Variants in MBP observed in about 807,000 individuals in gnomAD.
MBP encodes myelin basic protein, also known as Golli-MBP.
Under a neutral mutation model 35.8 loss-of-function variants are expected in MBP, and 16 were observed. The observed-to-expected ratio is 0.45, with a 90% CI of 0.30 to 0.68. MBP has a LOEUF of 0.68. Among genes scored for constraint, MBP ranks in the 30% least tolerant of loss-of-function variants. The pLI is 0.08. For synonymous variants in MBP, 143 were observed against 159.6 expected (o/e 0.90, Z 0.78); for missense variants, 380 against 404.7 (o/e 0.94, Z 0.52).
intron 2 of MBP, among the ~76,000 whole-genome samples, chr18:77,098,214 T>C: frequency 7.9e-6 from 1 of 126,212 alleles, no homozygotes; most frequent in Non-Finnish European, 1.6e-5. Context: ...AAGAAGAAAA[T>C]TAGTAACACC....
At chr18:77,075,711 C>A (rs1974623604) in intron 2 of MBP, among the ~76,000 whole-genome samples, 1 of 152,168 alleles carries the variant, frequency 6.6e-6, no homozygotes, top group South Asian at 2.1e-4. Flanking sequence ...GTTTAACGTC[C>A]TCAGAACAGG....
chr18:77,084,199 T>C (rs951466873), intron 2 of MBP, among the ~76,000 whole-genome samples: 7 of 152,072 alleles, frequency 4.6e-5, no homozygotes, highest in Non-Finnish European at 8.8e-5. Context: ...GTGAGATCAT[T>C]TTGTAGTGTA....
At chr18:77,045,481 C>T (rs904803559) in intron 3 of MBP, among the ~76,000 whole-genome samples, 28 of 152,032 alleles carry the variant, frequency 1.8e-4, no homozygotes, top group Non-Finnish European at 2.9e-4. Context: ...CCTGCCTGCA[C>T]CAGGTCAGGG....
In MBP at chr18:77,110,746, A is replaced by AT. The variant is rs533571839; in HGVS notation, c.-25-5461dup. 6.3e-4 allele frequency among the ~76,000 whole-genome samples: 96 copies of AT among 151,614 alleles called. 1 individual carries two copies. The highest frequency in any genetic ancestry group is 1.5e-3 in the South Asian group (7 of 4,796). ...CTAGGCATCAGATAAATTAGATAAGATTTTTTTTTCTGTATTTGGAAACTG... is the reference window on the plus strand; with the variant it reads ...CTAGGCATCAGATAAATTAGATAAGATTTTTTTTTTCTGTATTTGGAAACTG... On this transcript the variant is annotated intron_variant, in intron 1 of 8. Coordinates refer to ENST00000355994, the MANE Select transcript of MBP (RefSeq NM_001025101.2).
rs902155079 is a variant in MBP, at chr18:77,102,652, G to C, written c.51+2559C>G. ...TTGCTATGGCTCAAAATCTTACTCT[G>C]ATAGCATTAAACAAATTAAAAACAT... On this transcript the variant is annotated intron_variant, in intron 2 of 8. Transcript: ENST00000355994. This position sits in a 1 kb window ranked among gnomAD's most constrained non-coding sequence, Gnocchi z 4.4. 6.6e-6 allele frequency among the ~76,000 whole-genome samples: 1 copy of C among 152,150 alleles called. No homozygotes were observed. The highest frequency in any genetic ancestry group is 2.4e-5 in the African/African-American group (1 of 41,440).
At chr18:77,105,545 G>C (rs757119654) in intron 1 of MBP, among the ~76,000 whole-genome samples, 3 of 152,298 alleles carry the variant, frequency 2.0e-5, no homozygotes, top group Non-Finnish European at 4.4e-5. Context: ...AACCTGTCTT[G>C]AGAAATCTTG....
At chr18:77,074,145 G>C (rs1974556940) in intron 2 of MBP, among the ~76,000 whole-genome samples, 1 of 152,162 alleles carries the variant, frequency 6.6e-6, no homozygotes, top group African/African-American at 2.4e-5. Context: ...CCTCAGTCTG[G>C]GGGTCCTTGG....
intron 7 of MBP, chr18:76,987,864 A>T (rs1277228935): frequency 9.6e-7 from 1 of 1,040,860 alleles, no homozygotes; most frequent in African/African-American, 1.7e-5. Flanking sequence ...GAAAGTTCAA[A>T]TTGGCCATTT....
chr18:77,076,000 C>T (rs1460835755), intron 2 of MBP, among the ~76,000 whole-genome samples: 3 of 152,340 alleles, frequency 2.0e-5, no homozygotes, highest in African/African-American at 7.2e-5. Flanking sequence ...TTACATTTAT[C>T]ATGAACCTTC....
At chr18:77,093,980 TC>T (rs964558823) in intron 2 of MBP, among the ~76,000 whole-genome samples, 42 of 97,346 alleles carry the variant, frequency 4.3e-4, no homozygotes, top group Non-Finnish European at 8.4e-4. Flanking sequence ...CTTTTTTTCT[TC>T]TTTTTTTTTT....
At chr18:77,010,391 T>C (rs778801509) in intron 4 of MBP, among the ~76,000 whole-genome samples, 6 of 152,252 alleles carry the variant, frequency 3.9e-5, no homozygotes, top group Non-Finnish European at 8.8e-5. Flanking sequence ...AATTTTACAT[T>C]CCACTTTACT....
intron 4 of MBP, chr18:77,016,286 C>T (rs776430429): frequency 4.1e-6 from 4 of 986,256 alleles, no homozygotes; most frequent in Non-Finnish European, 4.8e-6. Context: ...ATCCCTCCCC[C>T]CTTCCACTTC....
At chr18:77,027,934 C>T (rs138603949) in intron 3 of MBP, among the ~76,000 whole-genome samples, 1 of 152,294 alleles carries the variant, frequency 6.6e-6, no homozygotes, top group East Asian at 1.9e-4. Flanking sequence ...AGCCATCCTC[C>T]TGTCTTGGCT....
chr18:77,042,158 T>C (rs1973035136), intron 3 of MBP, among the ~76,000 whole-genome samples: 1 of 152,218 alleles, frequency 6.6e-6, no homozygotes, highest in South Asian at 2.1e-4. Flanking sequence ...GAAGTTTTGC[T>C]GCTGAATACA....
At position 77,017,247 on chromosome 18, in the gene MBP, T is replaced by C; in HGVS notation, c.161A>G (p.Asn54Ser). ...EVFGEADANQ[N>S]NGTSSQDTAV... ...TGTGTCCTGAGAGGAGGTCCCATTGTTCTGGTTCGCATCTGCCTCTCCTGC... is the reference window on the plus strand; with the variant it reads ...TGTGTCCTGAGAGGAGGTCCCATTGCTCTGGTTCGCATCTGCCTCTCCTGC... Residue 54 changes from asparagine to serine, a missense_variant, in exon 4 of 9, where the codon AAC becomes AGC. By Grantham distance (46) the Asn-to-Ser change is conservative. Transcript: ENST00000355994. 1.3e-6 allele frequency: 2 copies of C among 1,512,506 alleles called. No homozygotes were observed. Among genetic ancestry groups the C allele is most frequent in the Non-Finnish European group, 1.8e-6 (2 of 1,131,312 alleles). 93.7% of individuals were successfully genotyped at this position (1,512,506 alleles called of 1,614,324 possible).
chr18:76,980,371 T>C lies in MBP; in HGVS notation c.*56A>G. ...GTAACAGGGGCAAGTGGGATTAAAGTTTTAAGGCAGTTATATTAAGAAGCT... is the reference window on the plus strand; with the variant it reads ...GTAACAGGGGCAAGTGGGATTAAAGCTTTAAGGCAGTTATATTAAGAAGCT... On this transcript the variant is annotated 3_prime_UTR_variant, in exon 9 of 9. Transcript: ENST00000355994. 2 of 1,523,752 alleles carry C rather than the reference T, an allele frequency of 1.3e-6. No homozygotes were observed. The highest frequency in any genetic ancestry group is 2.2e-5 in the South Asian group (2 of 89,196). The allele number at this position is 1,523,752 out of a possible 1,614,324, so 94.4% of individuals were successfully genotyped here.
chr18:77,073,817 C>G (rs889825355), intron 2 of MBP, among the ~76,000 whole-genome samples: 13 of 152,240 alleles, frequency 8.5e-5, no homozygotes, highest in Non-Finnish European at 5.9e-5. Context: ...CTTCAGCCAG[C>G]TCGATGGGTG....
chr18:77,005,088 C>A (rs1040501864), intron 4 of MBP: 1 of 152,242 alleles, frequency 6.6e-6, no homozygotes, highest in Non-Finnish European at 1.5e-5. Flanking sequence ...GTGCTTCTGC[C>A]ATTAAGTAAA....
At chr18:77,119,998 A>G (rs540452296) in intron 1 of MBP, among the ~76,000 whole-genome samples, 48 of 152,316 alleles carry the variant, frequency 3.2e-4, no homozygotes, top group African/African-American at 1.1e-3. Context: ...ACTCTCCTCC[A>G]GGGCAGACAG....
Sources: allele counts gnomAD v4.1 joint callset (sites outside exome capture counted in the v4.1 genomes callset), GRCh38; gene constraint gnomAD v4.1.1; non-coding constraint Gnocchi (gnomAD v3.1); transcripts MANE v1.5; gene names NCBI Gene and HGNC (gene_info 2026-07-23, HGNC 2026-07-21).